CATSPERT: variants seen among roughly 807,000 people sequenced by gnomAD.
The protein encoded by CATSPERT is cation channel sperm-associated targeting subunit tau.
chr2:201,487,826 C>A, the CATSPERT span: 1 of 1,613,922 alleles, frequency 6.2e-7, no homozygotes, highest in Non-Finnish European at 8.5e-7. Flanking sequence ...TCCTAAAAGC[C>A]TTGATCTTGA....
the CATSPERT span, among the ~76,000 whole-genome samples, chr2:201,539,861 G>T: frequency 6.6e-6 from 1 of 152,094 alleles, no homozygotes; most frequent in Non-Finnish European, 1.5e-5. Context: ...ACTGAGGAAG[G>T]CATGTTGAAA....
the CATSPERT span, among the ~76,000 whole-genome samples, chr2:201,606,519 A>G: frequency 6.6e-6 from 1 of 152,194 alleles, no homozygotes; most frequent in Non-Finnish European, 1.5e-5. Flanking sequence ...TCCAGATAAC[A>G]TTTTACTCTT....
the CATSPERT span, among the ~76,000 whole-genome samples, chr2:201,572,288 A>G: frequency 6.6e-6 from 1 of 152,202 alleles, no homozygotes; most frequent in African/African-American, 2.4e-5. Context: ...AACTAAGCAT[A>G]TTCTACAGAT....
the CATSPERT span, among the ~76,000 whole-genome samples, chr2:201,506,757 G>A: frequency 3.2e-4 from 49 of 152,288 alleles, no homozygotes; most frequent in Admixed American, 9.8e-4. Context: ...GTTTCACCGT[G>A]TTAGCCGGGA....
At chr2:201,583,955 A>G in the CATSPERT span, among the ~76,000 whole-genome samples, 1 of 152,160 alleles carries the variant, frequency 6.6e-6, no homozygotes, top group Non-Finnish European at 1.5e-5. Flanking sequence ...GAAAACTAAA[A>G]CAATTGAATA....
the CATSPERT span, among the ~76,000 whole-genome samples, chr2:201,581,474 C>T: frequency 2.0e-4 from 5 of 25,438 alleles, 1 homozygote; most frequent in African/African-American, 6.4e-4. Context: ...ACACACATTC[C>T]GGAATATATA....
chr2:201,505,191 C>G, the CATSPERT span, among the ~76,000 whole-genome samples: 1 of 152,324 alleles, frequency 6.6e-6, no homozygotes, highest in Non-Finnish European at 1.5e-5. Flanking sequence ...CCTCCACCCC[C>G]TGGGTTCAAG....
chr2:201,604,597 T>C, the CATSPERT span: 1 of 1,526,086 alleles, frequency 6.6e-7, no homozygotes, highest in Non-Finnish European at 8.9e-7. Context: ...TTTTTGAGGG[T>C]TACTCATACA....
At chr2:201,545,528 A>C in the CATSPERT span, 31 of 1,434,624 alleles carry the variant, frequency 2.2e-5, no homozygotes, top group Non-Finnish European at 2.9e-5. Context: ...TAAAAAAATC[A>C]AAGTAGTTTC....
the CATSPERT span, among the ~76,000 whole-genome samples, chr2:201,590,499 C>G: frequency 6.6e-6 from 1 of 151,642 alleles, no homozygotes; most frequent in South Asian, 2.1e-4. Flanking sequence ...GGGTATATAC[C>G]CAGTAATGGG....
the CATSPERT span, chr2:201,534,558 T>A: frequency 6.1e-6 from 6 of 982,626 alleles, no homozygotes; most frequent in Non-Finnish European, 6.0e-6. Flanking sequence ...AACAAAAAAA[T>A]GGACAAAGGA....
the CATSPERT span, among the ~76,000 whole-genome samples, chr2:201,575,523 A>T: frequency 6.6e-6 from 1 of 151,940 alleles, no homozygotes; most frequent in Non-Finnish European, 1.5e-5. Flanking sequence ...ACTTCTCATC[A>T]CTCACATTAC....
the CATSPERT span, among the ~76,000 whole-genome samples, chr2:201,567,327 T>C: frequency 6.6e-6 from 1 of 152,208 alleles, no homozygotes; most frequent in Non-Finnish European, 1.5e-5. Flanking sequence ...ATTAGTTTGT[T>C]CCTCTCTTCC....
chr2:201,510,466 A>G, the CATSPERT span, among the ~76,000 whole-genome samples: 1 of 152,266 alleles, frequency 6.6e-6, no homozygotes, highest in Admixed American at 6.5e-5. Flanking sequence ...AATAAAAATA[A>G]AAGAATAAGA....
At chr2:201,586,034 C>T in the CATSPERT span, among the ~76,000 whole-genome samples, 24 of 152,264 alleles carry the variant, frequency 1.6e-4, no homozygotes, top group South Asian at 2.1e-4. Flanking sequence ...AATGTGAAAA[C>T]GACAAGAATG....
the CATSPERT span, among the ~76,000 whole-genome samples, chr2:201,616,859 G>T: frequency 6.6e-6 from 1 of 152,184 alleles, no homozygotes; most frequent in African/African-American, 2.4e-5. Context: ...CTTCAGCAAA[G>T]TCTTAGGATA....
the CATSPERT span, chr2:201,492,029 T>G: frequency 6.5e-7 from 1 of 1,534,910 alleles, no homozygotes; most frequent in Non-Finnish European, 8.7e-7. Context: ...TCTTCCTTAG[T>G]GTAATAACTT....
At chr2:201,606,676 A>G in the CATSPERT span, among the ~76,000 whole-genome samples, 1 of 152,164 alleles carries the variant, frequency 6.6e-6, no homozygotes, top group Non-Finnish European at 1.5e-5. Context: ...AGGTGGGTGT[A>G]TCACTTGAGG....
chr2:201,505,414 T>C, the CATSPERT span, among the ~76,000 whole-genome samples: 1 of 152,196 alleles, frequency 6.6e-6, no homozygotes, highest in East Asian at 1.9e-4. Flanking sequence ...CAATCAGTCA[T>C]ATGCTGCCTT....
Sources: gnomAD v4.1 joint callset for allele counts (sites outside exome capture counted in the v4.1 genomes callset) on GRCh38, gnomAD v4.1.1 for gene constraint, MANE v1.5 for transcripts, NCBI Gene and HGNC (gene_info 2026-07-23, HGNC 2026-07-21) for gene names.